CSMD3: variants seen among roughly 807,000 people sequenced by gnomAD.
CSMD3 encodes CUB and sushi domain-containing protein 3.
A neutral mutation model predicts 435.2 loss-of-function variants in CSMD3; 177 were observed. That is an observed-to-expected ratio of 0.41 (90% CI 0.36 to 0.46). CSMD3 has a LOEUF of 0.46. Ranked by LOEUF, CSMD3 falls within the 20% of genes least tolerant of loss-of-function variation. CSMD3 has a pLI of 0.34. For missense variants in CSMD3, 4,265 were observed against 4,504.6 expected (o/e 0.95, Z 1.52); for synonymous variants, 1,656 against 1,520.5 (o/e 1.09, Z -2.07).
intron 13 of CSMD3, among the ~76,000 whole-genome samples, chr8:112,762,633 C>T (rs755951719): frequency 7.2e-5 from 11 of 151,800 alleles, no homozygotes; most frequent in Non-Finnish European, 1.6e-4. Context: ...TGAAATAAAC[C>T]ACTTAAAGTT....
chr8:112,441,217 G>T (rs547134181), intron 32 of CSMD3, among the ~76,000 whole-genome samples: 1 of 152,016 alleles, frequency 6.6e-6, no homozygotes, highest in East Asian at 1.9e-4. Context: ...CAGTCTCTTT[G>T]ATAAAGCATA....
rs142002283 is a variant in CSMD3, at chr8:113,033,052, C to A, written c.918-13873G>T. 3.4e-3 allele frequency among the ~76,000 whole-genome samples: 508 copies of A among 151,626 alleles called. 6 individuals carry two copies. Among genetic ancestry groups the A allele is most frequent in the African/African-American group, 0.011 (438 of 41,498 alleles). The stretch of plus-strand genomic sequence containing the variant: ...AGAGTTTGAACTTTGGGAGTCTCCA[C>A]CTAGATTTCAGAGGATGTATAGAAA... On this transcript the variant is annotated intron_variant, in intron 5 of 70. Coordinates refer to ENST00000297405, the MANE Select transcript of CSMD3 (RefSeq NM_198123.2).
rs144960628 is a variant in CSMD3, at chr8:113,186,501, C to T, written c.515-12585G>A. 5.3e-5 allele frequency among the ~76,000 whole-genome samples: 8 copies of T among 152,138 alleles called. No individual in the cohort carries two copies. In the East Asian group the frequency reaches 1.6e-3, roughly 30 times the overall value. On this transcript the variant is annotated intron_variant, in intron 3 of 70. Transcript: ENST00000297405. ...AACCCTTTGTTGGTCAATTGAGAGC[C>T]GTTTATAGGACGCTTTCCCATTGTC...
chr8:112,385,869 G>A (rs1448449634), intron 36 of CSMD3, among the ~76,000 whole-genome samples: 1 of 152,134 alleles, frequency 6.6e-6, no homozygotes, highest in Non-Finnish European at 1.5e-5. Context: ...GGATACATGT[G>A]TCTAGTGTAT....
At chr8:112,972,585 G>T (rs528946173) in intron 7 of CSMD3, among the ~76,000 whole-genome samples, 7 of 151,768 alleles carry the variant, frequency 4.6e-5, no homozygotes, top group African/African-American at 1.7e-4. Flanking sequence ...AAAAAAACTG[G>T]TATTATAACT....
intron 47 of CSMD3, among the ~76,000 whole-genome samples, chr8:112,316,608 G>GGCACTGTTAAACACCATTGGT (rs1166819350): frequency 6.6e-6 from 1 of 151,242 alleles, no homozygotes; most frequent in Admixed American, 6.6e-5. Context: ...CTTTATGTTA[G>GGCACTGTTAAACACCATTGGT]GCACTGTTAA....
intron 13 of CSMD3, among the ~76,000 whole-genome samples, chr8:112,751,714 C>G (rs1436957832): frequency 6.6e-6 from 1 of 151,402 alleles, no homozygotes; most frequent in African/African-American, 2.4e-5. Flanking sequence ...TCCTACTTCA[C>G]AGAGAACTCT....
chr8:112,505,075 G>C (rs2130922235), intron 29 of CSMD3, among the ~76,000 whole-genome samples: 1 of 152,190 alleles, frequency 6.6e-6, no homozygotes, highest in African/African-American at 2.4e-5. Context: ...CTTTACATAT[G>C]CATGTACAAG....
intron 4 of CSMD3, among the ~76,000 whole-genome samples, chr8:113,138,488 A>T (rs2131718567): frequency 6.6e-6 from 1 of 151,588 alleles, no homozygotes; most frequent in East Asian, 1.9e-4. Context: ...GTTAATTCCA[A>T]TGCTAAAGAT....
At position 113,067,768 on chromosome 8, in the gene CSMD3, C is replaced by T. The variant is rs531045751; in HGVS notation, c.917+30988G>A. Reference sequence around the variant, plus strand: ...TGTTTTTTATTTCTTATAAGTTCAGCACCAAGAAAAGAGTGCTAGCAGTGG... The same window carrying T: ...TGTTTTTTATTTCTTATAAGTTCAGTACCAAGAAAAGAGTGCTAGCAGTGG... On this transcript the variant is annotated intron_variant, in intron 5 of 70. Transcript: ENST00000297405. Among the ~76,000 whole-genome samples the T allele has an allele frequency of 4.6e-5, 7 of 152,120 alleles. No individual in the cohort carries two copies. The South Asian group carries it at 1.5e-3, about 32-fold the overall frequency.
intron 38 of CSMD3, among the ~76,000 whole-genome samples, chr8:112,353,176 T>C (rs1205637091): frequency 6.6e-6 from 1 of 151,994 alleles, no homozygotes; most frequent in Non-Finnish European, 1.5e-5. Flanking sequence ...GGATCACCTG[T>C]GGTCAGGAGT....
chr8:113,179,914 C>T (rs974910675), intron 3 of CSMD3, among the ~76,000 whole-genome samples: 12 of 151,368 alleles, frequency 7.9e-5, no homozygotes, highest in African/African-American at 2.4e-4. Flanking sequence ...TGTATAGTTG[C>T]GAAAGGCAAA....
At chr8:113,186,724 G>A (rs1407589466) in intron 3 of CSMD3, among the ~76,000 whole-genome samples, 1 of 151,968 alleles carries the variant, frequency 6.6e-6, no homozygotes, top group East Asian at 1.9e-4. Flanking sequence ...CAGTATTTCA[G>A]GTGTCAAGAT....
At chr8:112,673,068 T>C (rs1232351171) in intron 16 of CSMD3, among the ~76,000 whole-genome samples, 1 of 152,034 alleles carries the variant, frequency 6.6e-6, no homozygotes, top group African/African-American at 2.4e-5. Flanking sequence ...GAGGTGAACA[T>C]TGTAGCATTT....
intron 1 of CSMD3, among the ~76,000 whole-genome samples, chr8:113,329,333 A>G (rs1047411524): frequency 1.3e-5 from 2 of 152,068 alleles, no homozygotes; most frequent in South Asian, 4.1e-4. Flanking sequence ...CTGCAGTTGA[A>G]AAGTTAAACA....
intron 10 of CSMD3, among the ~76,000 whole-genome samples, chr8:112,881,186 C>G (rs1293902732): frequency 6.6e-6 from 1 of 151,924 alleles, no homozygotes; most frequent in African/African-American, 2.4e-5. Flanking sequence ...GGAAACAACC[C>G]AAACAAGTTG....
At chr8:112,881,631 G>A (rs1444533160) in intron 10 of CSMD3, among the ~76,000 whole-genome samples, 1 of 151,786 alleles carries the variant, frequency 6.6e-6, no homozygotes, top group African/African-American at 2.4e-5. Context: ...TTTACTGAAG[G>A]GCTTAACAAA....
intron 13 of CSMD3, among the ~76,000 whole-genome samples, chr8:112,718,234 G>T (rs191471774): frequency 1.3e-5 from 2 of 151,932 alleles, no homozygotes; most frequent in Non-Finnish European, 2.9e-5. Flanking sequence ...TAGTGAGCCT[G>T]AAGATCTAAA....
At chr8:113,066,420 A>G (rs916755752) in intron 5 of CSMD3, among the ~76,000 whole-genome samples, 4 of 152,110 alleles carry the variant, frequency 2.6e-5, no homozygotes, top group Non-Finnish European at 4.4e-5. Flanking sequence ...AAAACAAATG[A>G]TGAGAATGAT....
Sources: gnomAD v4.1 joint callset for allele counts (sites outside exome capture counted in the v4.1 genomes callset) on GRCh38, gnomAD v4.1.1 for gene constraint, MANE v1.5 for transcripts, NCBI Gene and HGNC (gene_info 2026-07-23, HGNC 2026-07-21) for gene names.